PCDHGA9: variants seen among roughly 807,000 people sequenced by gnomAD.
The protein encoded by PCDHGA9 is protocadherin gamma-A9.
A neutral mutation model predicts 62.5 loss-of-function variants in PCDHGA9; 37 were observed. The observed-to-expected ratio is 0.59, with a 90% CI of 0.46 to 0.78. PCDHGA9 has a LOEUF of 0.78. Ranked by LOEUF, PCDHGA9 falls within the 30% of genes least tolerant of loss-of-function variation. The pLI, the probability that PCDHGA9 is intolerant of heterozygous loss-of-function variation, is 0.00. For missense variants in PCDHGA9, 1,138 were observed against 1,166.2 expected (o/e 0.98, Z 0.35); for synonymous variants, 459 against 484.6 (o/e 0.95, Z 0.69).
chr5:141,457,429 C>G (rs73280316), intron 1 of PCDHGA9, among the ~76,000 whole-genome samples: 1,780 of 152,292 alleles, frequency 0.012, 30 homozygotes, highest in African/African-American at 0.04. Context: ...TTTTCCCCCC[C>G]ACCAAGCTGC....
chr5:141,499,414 T>C (rs543824206), intron 2 of PCDHGA9, among the ~76,000 whole-genome samples: 1 of 151,804 alleles, frequency 6.6e-6, no homozygotes, highest in Non-Finnish European at 1.5e-5. Context: ...TATAGAAACA[T>C]GAAAAATAGA....
At position 141,492,138 on chromosome 5, in the gene PCDHGA9, T is replaced by C. The variant is rs577884713; in HGVS notation, c.2425-2669T>C. ...ATTTCTCCCCAGCTCCCAGCATCTG[T>C]GACTTCACTGTTACCCTCCCTATCC... On this transcript the variant is annotated intron_variant, in intron 1 of 3. Coordinates refer to ENST00000573521, the MANE Select transcript of PCDHGA9 (RefSeq NM_018921.3). 2.4e-3 allele frequency among the ~76,000 whole-genome samples: 366 copies of C among 152,312 alleles called. 1 individual carries two copies. Among genetic ancestry groups the C allele is most frequent in the Non-Finnish European group, 3.5e-3 (238 of 68,014 alleles).
At chr5:141,492,237 C>G (rs2099738580) in intron 1 of PCDHGA9, among the ~76,000 whole-genome samples, 1 of 152,206 alleles carries the variant, frequency 6.6e-6, no homozygotes, top group Admixed American at 6.5e-5. Flanking sequence ...TCCCTGCTGG[C>G]CACCCCCACG....
rs549557253 is a variant in PCDHGA9 at position 141,503,310 on chromosome 5, T to C, written c.2484-2083T>C. 2.6e-5 allele frequency among the ~76,000 whole-genome samples: 4 copies of C among 152,176 alleles called. No homozygotes were observed. The East Asian group carries it at 7.7e-4, about 29-fold the overall frequency. On this transcript the variant is annotated intron_variant, in intron 2 of 3. Coordinates refer to ENST00000573521, the MANE Select transcript of PCDHGA9 (RefSeq NM_018921.3). ...TACATAGAAATTGCTCAAGAAAGAA[T>C]TGTTGGAGGGGCGCGGTGGCTCACG...
At chr5:141,423,102 C>A (rs778561065) in intron 1 of PCDHGA9, 2 of 1,613,802 alleles carry the variant, frequency 1.2e-6, no homozygotes, top group Non-Finnish European at 1.7e-6. Flanking sequence ...AGCACACGGG[C>A]GAGGTGCGTA....
chr5:141,419,694 G>T, intron 1 of PCDHGA9: 2 of 1,612,974 alleles, frequency 1.2e-6, no homozygotes, highest in South Asian at 1.1e-5. Context: ...GTGCAGGCCA[G>T]TGAGCCCGGG....
chr5:141,490,833 G>C lies in PCDHGA9; in HGVS notation c.2425-3974G>C, dbSNP rs781529579. ...ACTATGAATTGCTGCAGATGCTGCA[G>C]ATTGTGGTGGGGGTTCGAGACTCCG... On this transcript the variant is annotated intron_variant, in intron 1 of 3. Coordinates refer to ENST00000573521, the MANE Select transcript of PCDHGA9 (RefSeq NM_018921.3). This position sits in a 1 kb window ranked among gnomAD's most constrained non-coding sequence, Gnocchi z 5.4. The C allele has an allele frequency of 6.2e-7, 1 of 1,613,932 alleles. No homozygotes were observed. Among genetic ancestry groups the C allele is most frequent in the East Asian group, 2.2e-5 (1 of 44,884 alleles).
chr5:141,483,904 T>A (rs11750647), intron 1 of PCDHGA9, among the ~76,000 whole-genome samples: 24,531 of 151,676 alleles, frequency 0.16, 2,105 homozygotes, highest in African/African-American at 0.21. Context: ...CTCTGGTGTG[T>A]TTCCCACTCA....
chr5:141,409,669 C>T, intron 1 of PCDHGA9: 1 of 1,613,528 alleles, frequency 6.2e-7, no homozygotes, highest in Non-Finnish European at 8.5e-7. Context: ...ACATCTCCTA[C>T]TCTATAGTGG....
intron 1 of PCDHGA9, chr5:141,423,846 C>G: frequency 1.6e-6 from 2 of 1,278,968 alleles, no homozygotes; most frequent in Non-Finnish European, 2.0e-6. Flanking sequence ...GATAATCTTT[C>G]AGAACGTTTT....
chr5:141,466,014 C>T (rs962233749), intron 1 of PCDHGA9, among the ~76,000 whole-genome samples: 75 of 151,848 alleles, frequency 4.9e-4, no homozygotes, highest in African/African-American at 1.2e-3. Flanking sequence ...CCCAGCTACT[C>T]GGGAGGGTGA....
intron 1 of PCDHGA9, chr5:141,419,317 T>G: frequency 1.2e-6 from 2 of 1,613,952 alleles, no homozygotes; most frequent in Non-Finnish European, 1.7e-6. Context: ...TCAACGGCCG[T>G]GTCTCCTACT....
At chr5:141,409,330 C>T (rs920851409) in intron 1 of PCDHGA9, 1 of 1,613,836 alleles carries the variant, frequency 6.2e-7, no homozygotes, top group African/African-American at 1.3e-5. Flanking sequence ...ATCTGGATTT[C>T]GGAGGAAATG....
chr5:141,492,285 A>T (rs2099739112), intron 1 of PCDHGA9, among the ~76,000 whole-genome samples: 1 of 152,132 alleles, frequency 6.6e-6, no homozygotes, highest in African/African-American at 2.4e-5. Flanking sequence ...CGCCCCGCCA[A>T]CACGTGCGCG....
chr5:141,506,209 G>A (rs549403288), intron 3 of PCDHGA9, among the ~76,000 whole-genome samples: 3 of 152,284 alleles, frequency 2.0e-5, no homozygotes, highest in African/African-American at 7.2e-5. Context: ...CCAGCACTTT[G>A]GGAAGCTGAG....
intron 1 of PCDHGA9, chr5:141,421,895 G>T: frequency 2.5e-6 from 4 of 1,613,730 alleles, no homozygotes; most frequent in Non-Finnish European, 3.4e-6. Context: ...GATCCCATCC[G>T]AAAGGGCGCA....
At chr5:141,473,988 G>T (rs1006988447) in intron 1 of PCDHGA9, among the ~76,000 whole-genome samples, 2 of 152,118 alleles carry the variant, frequency 1.3e-5, no homozygotes, top group Middle Eastern at 3.2e-3. Context: ...AGGATCCCTT[G>T]AGCCCAAGGA....
intron 1 of PCDHGA9, among the ~76,000 whole-genome samples, chr5:141,406,577 A>T (rs558329088): frequency 6.6e-6 from 1 of 152,274 alleles, no homozygotes; most frequent in South Asian, 2.1e-4. Context: ...TAGTAAACCA[A>T]TTTTTTCCCT....
rs202162316 is a variant in PCDHGA9, at chr5:141,490,194, T to C, written c.2425-4613T>C. ...TTGAGGAGTCACGTTTCTATGAAAT[T>C]CATGCAAGAGCCCGTGACCAGGGAC... is the stretch of plus-strand genomic sequence containing the variant. On this transcript the variant is annotated intron_variant, in intron 1 of 3. Transcript: ENST00000573521. The surrounding 1 kb of genome is among the most constrained non-coding windows in gnomAD (Gnocchi z 5.4). The C allele has an allele frequency of 8.1e-6, 13 of 1,614,186 alleles. No individual in the cohort carries two copies. The highest frequency in any genetic ancestry group is 1.1e-5 in the Non-Finnish European group (13 of 1,180,030).
Sources: gnomAD v4.1 joint callset for allele counts (sites outside exome capture counted in the v4.1 genomes callset) on GRCh38, gnomAD v4.1.1 for gene constraint, Gnocchi (gnomAD v3.1) non-coding constraint, MANE v1.5 for transcripts, NCBI Gene and HGNC (gene_info 2026-07-23, HGNC 2026-07-21) for gene names.